The following TRDN variants were observed in gnomAD, a reference collection of about 807,000 sequenced individuals.
The protein encoded by TRDN is triadin in skeletal muscle.
In TRDN, 161 loss-of-function variants were observed where a neutral mutation model predicts 149.7. The observed-to-expected ratio is 1.08, with a 90% confidence interval of 0.95 to 1.23. TRDN has a LOEUF of 1.23. TRDN is among the 50% of genes most tolerant of loss of function. TRDN has a pLI of 0.00. For missense variants in TRDN, 896 were observed against 823.5 expected (o/e 1.09, Z -1.08); for synonymous variants, 294 against 250.5 (o/e 1.17, Z -1.64).
intron 12 of TRDN, chr6:123,421,778 G>T (rs1053222044): frequency 3.6e-5 from 5 of 138,100 alleles, no homozygotes; most frequent in African/African-American, 1.4e-4. Context: ...ATACCAGCCT[G>T]GTCAACAGAG....
intron 9 of TRDN, among the ~76,000 whole-genome samples, chr6:123,466,341 G>A (rs1776810422): frequency 6.6e-6 from 1 of 152,116 alleles, no homozygotes; most frequent in Non-Finnish European, 1.5e-5. Context: ...GATCCAAATG[G>A]TTTTCCTGCA....
Position 123,436,682 on chromosome 6 carries a change from C to T in TRDN, c.1051+1381G>A, listed in dbSNP as rs1460561193. On this transcript the variant is annotated intron_variant, in intron 12 of 40. Coordinates refer to ENST00000334268, the MANE Select transcript of TRDN (RefSeq NM_006073.4). ...TAAAATGCCGTCTAACCCAGCCTGCCCTCCCCAGACGGTTCCCCACCCTGA... is the reference window on the plus strand; with the variant it reads ...TAAAATGCCGTCTAACCCAGCCTGCTCTCCCCAGACGGTTCCCCACCCTGA... Among the ~76,000 whole-genome samples the T allele has an allele frequency of 2.6e-5, 4 of 152,126 alleles. No homozygotes were observed. In the East Asian group the frequency reaches 5.8e-4, roughly 22 times the overall value.
At chr6:123,252,116 A>G (rs113378844) in intron 38 of TRDN, among the ~76,000 whole-genome samples, 68 of 152,222 alleles carry the variant, frequency 4.5e-4, no homozygotes, top group African/African-American at 1.3e-3. Context: ...GAATTATTTT[A>G]TTTCACTTGA....
intron 38 of TRDN, among the ~76,000 whole-genome samples, chr6:123,226,191 G>C (rs536628202): frequency 6.6e-6 from 1 of 151,760 alleles, no homozygotes; most frequent in Non-Finnish European, 1.5e-5. Flanking sequence ...AATGACCATG[G>C]TCTTGAACTG....
In TRDN at chr6:123,561,406, G is replaced by A. The variant is rs748512835; in HGVS notation, c.232+9517C>T. ...CACTTGCCCTTCTCAGCATTCAGGC[G>A]GGTCTGTCCTCGGAATGCTACAGGG... On this transcript the variant is annotated intron_variant, in intron 2 of 40. Coordinates refer to ENST00000334268, the MANE Select transcript of TRDN (RefSeq NM_006073.4). Among the ~76,000 whole-genome samples, 7 of 152,178 alleles carry A rather than the reference G, an allele frequency of 4.6e-5. No individual in the cohort carries two copies. In the East Asian group the frequency reaches 7.7e-4, roughly 17 times the overall value.
chr6:123,246,460 T>TA (rs1776185143), intron 38 of TRDN, among the ~76,000 whole-genome samples: 1 of 152,084 alleles, frequency 6.6e-6, no homozygotes, highest in African/African-American at 2.4e-5. Flanking sequence ...AACACTTCTA[T>TA]GCAAATAAAC....
intron 10 of TRDN, among the ~76,000 whole-genome samples, chr6:123,454,910 T>A (rs1182946304): frequency 6.6e-6 from 1 of 152,124 alleles, no homozygotes; most frequent in African/African-American, 2.4e-5. Context: ...GCCAAAAAGG[T>A]TGAGGAATGC....
At chr6:123,621,985 C>T (rs1785405999) in intron 1 of TRDN, among the ~76,000 whole-genome samples, 1 of 152,132 alleles carries the variant, frequency 6.6e-6, no homozygotes, top group Non-Finnish European at 1.5e-5. Context: ...GACTCTTGAA[C>T]AACATGGGTT....
intron 24 of TRDN, among the ~76,000 whole-genome samples, chr6:123,302,118 G>A (rs1206912492): frequency 6.6e-6 from 1 of 150,496 alleles, no homozygotes; most frequent in African/African-American, 2.4e-5. Context: ...GATCACTATG[G>A]GAACTTTTAA....
At chr6:123,310,815 T>A (rs565189256) in intron 24 of TRDN, among the ~76,000 whole-genome samples, 2 of 152,068 alleles carry the variant, frequency 1.3e-5, no homozygotes, top group Admixed American at 1.3e-4. Flanking sequence ...GTGACCCATT[T>A]TGGAAAAAAA....
At chr6:123,276,020 T>C (rs989966105) in intron 26 of TRDN, among the ~76,000 whole-genome samples, 3 of 152,098 alleles carry the variant, frequency 2.0e-5, no homozygotes, top group African/African-American at 7.2e-5. Context: ...GCTGTGTCCT[T>C]ACAGGGCAAA....
At chr6:123,475,385 A>G (rs1777419838) in intron 9 of TRDN, among the ~76,000 whole-genome samples, 6 of 142,522 alleles carry the variant, frequency 4.2e-5, no homozygotes, top group African/African-American at 1.6e-4. Flanking sequence ...GAATAGACCA[A>G]TAACAGGATC....
chr6:123,242,875 C>T (rs1432501264), intron 38 of TRDN, among the ~76,000 whole-genome samples: 1 of 151,992 alleles, frequency 6.6e-6, no homozygotes, highest in Non-Finnish European at 1.5e-5. Context: ...GAAGATTATG[C>T]AAAGGCATTG....
intron 38 of TRDN, among the ~76,000 whole-genome samples, chr6:123,232,823 T>A (rs11154147): frequency 0.43 from 65,038 of 151,764 alleles, 14,344 homozygotes; most frequent in Admixed American, 0.55. Context: ...AACATAAAAT[T>A]TTTCTGTGTA....
intron 9 of TRDN, among the ~76,000 whole-genome samples, chr6:123,495,707 G>A (rs1286321084): frequency 2.0e-5 from 3 of 152,004 alleles, no homozygotes; most frequent in African/African-American, 7.2e-5. Context: ...AAACTTGTAA[G>A]TGTTGAGAGG....
At chr6:123,551,661 A>C (rs1445640213) in intron 2 of TRDN, among the ~76,000 whole-genome samples, 1 of 152,056 alleles carries the variant, frequency 6.6e-6, no homozygotes, top group Non-Finnish European at 1.5e-5. Flanking sequence ...TCAATAACCC[A>C]ATGACATAGG....
At chr6:123,508,230 A>G (rs981003936) in intron 7 of TRDN, among the ~76,000 whole-genome samples, 18 of 152,208 alleles carry the variant, frequency 1.2e-4, no homozygotes, top group African/African-American at 4.3e-4. Context: ...TCTAAGTATC[A>G]AAAAGCCATT....
At chr6:123,484,575 C>T (rs1777899979) in intron 9 of TRDN, among the ~76,000 whole-genome samples, 1 of 152,114 alleles carries the variant, frequency 6.6e-6, no homozygotes, top group Non-Finnish European at 1.5e-5. Flanking sequence ...TCTTCCTTTT[C>T]AGACTATATT....
intron 5 of TRDN, among the ~76,000 whole-genome samples, chr6:123,521,623 A>C (rs980011121): frequency 3.9e-5 from 6 of 152,246 alleles, no homozygotes; most frequent in African/African-American, 1.4e-4. Flanking sequence ...TATTAAGGCT[A>C]ATGTTAAGAA....
Sources: gnomAD v4.1 joint callset for allele counts (sites outside exome capture counted in the v4.1 genomes callset) on GRCh38, gnomAD v4.1.1 for gene constraint, MANE v1.5 for transcripts, NCBI Gene and HGNC (gene_info 2026-07-23, HGNC 2026-07-21) for gene names.